FBXL20: variants seen among roughly 807,000 people sequenced by gnomAD.
FBXL20 encodes F-box and leucine rich repeat protein 20, also known as F-box/LRR-repeat protein 20.
Under a neutral mutation model 64.0 loss-of-function variants are expected in FBXL20, and 11 were observed. The observed-to-expected ratio is 0.17, with a 90% CI of 0.11 to 0.28. FBXL20 has a LOEUF of 0.28. Among genes scored for constraint, FBXL20 ranks in the 10% least tolerant of loss-of-function variants. The probability of loss-of-function intolerance (pLI) is 1.00; values close to 1 mark genes in which losing one functional copy is unlikely to be tolerated. For missense variants in FBXL20, 303 were observed against 526.2 expected (o/e 0.58, Z 4.15); for synonymous variants, 184 against 189.0 (o/e 0.97, Z 0.22).
At chr17:39,336,155 T>C (rs1043542849) in intron 2 of FBXL20, among the ~76,000 whole-genome samples, 5 of 151,998 alleles carry the variant, frequency 3.3e-5, no homozygotes, top group East Asian at 1.9e-4. Context: ...TAGAATAAAA[T>C]AGAGGAACCA....
intron 1 of FBXL20, among the ~76,000 whole-genome samples, chr17:39,347,702 C>T (rs12453645): frequency 0.15 from 23,366 of 152,108 alleles, 2,481 homozygotes; most frequent in East Asian, 0.24. Flanking sequence ...TAATTAGATG[C>T]CATTGGTCAA....
intron 2 of FBXL20, among the ~76,000 whole-genome samples, chr17:39,326,092 T>C (rs1290060792): frequency 6.6e-6 from 1 of 152,070 alleles, no homozygotes; most frequent in Non-Finnish European, 1.5e-5. Flanking sequence ...CTTCCTCTCT[T>C]GCCATGTGAT....
chr17:39,334,827 T>C (rs975333629), intron 2 of FBXL20, among the ~76,000 whole-genome samples: 1 of 152,184 alleles, frequency 6.6e-6, no homozygotes, highest in African/African-American at 2.4e-5. Context: ...CAGTGGCTCA[T>C]GCCTGTAATC....
At chr17:39,267,112 C>T (rs1291284359) in intron 12 of FBXL20, among the ~76,000 whole-genome samples, 4 of 151,026 alleles carry the variant, frequency 2.6e-5, no homozygotes, top group Admixed American at 6.6e-5. Flanking sequence ...ACTAGCCGGG[C>T]GTGGTGGCAG....
rs902064201 is a variant in FBXL20, at chr17:39,265,443, C to T, written c.944G>A (p.Ser315Asn). The T allele has an allele frequency of 6.2e-7, 1 of 1,608,504 alleles. No individual in the cohort carries two copies. The highest frequency in any genetic ancestry group is 8.5e-7 in the Non-Finnish European group (1 of 1,175,078). Residue 315 changes from serine (S) to asparagine (N), a missense_variant, in exon 13 of 15, where the codon AGC becomes AAC. Ser to Asn is a conservative substitution (Grantham distance 46). Around this residue, in one of 3 missense-constraint regions of FBXL20, gnomAD observed 246 missense variants for 422.6 expected, o/e 0.58. Coordinates refer to ENST00000264658, the MANE Select transcript of FBXL20 (RefSeq NM_032875.3). ...DLEECVQITD[S>N]TLIQLSIHCP... Reference sequence around the variant, plus strand: ...GTGTATAGAAAGTTGGATTAATGTGCTATCTGTTATCTGAAAGAAATAACG... The same window carrying T: ...GTGTATAGAAAGTTGGATTAATGTGTTATCTGTTATCTGAAAGAAATAACG...
intron 2 of FBXL20, among the ~76,000 whole-genome samples, chr17:39,313,190 T>C (rs1210922179): frequency 1.3e-5 from 2 of 152,072 alleles, no homozygotes; most frequent in Non-Finnish European, 2.9e-5. Flanking sequence ...GTACTGGGAT[T>C]ACAGGTGTGA....
At chr17:39,401,833 G>A, upstream of FBXL20, 1 of 537,286 alleles carries the variant, frequency 1.9e-6, no homozygotes, top group Non-Finnish European at 2.5e-6. Flanking sequence ...GCGCGGCGGC[G>A]GCACGACCCC....
intron 14 of FBXL20, 138 bp downstream of exon 14, chr17:39,264,037 G>A (rs370269077): frequency 1.1e-6 from 1 of 924,390 alleles, no homozygotes; most frequent in Non-Finnish European, 1.6e-6. Context: ...CCTTAGGTTT[G>A]CACTTTTTTC....
rs965760696 is a variant in FBXL20, at chr17:39,256,293, C to T, written c.*5167G>A. On this transcript the variant is annotated 3_prime_UTR_variant, in exon 15 of 15. Coordinates refer to ENST00000264658, the MANE Select transcript of FBXL20 (RefSeq NM_032875.3). ...CTGAGATTGTGCCATGGCACTCCAACCTGGGTGACAGAGCGAGACTCCATG... is the reference window on the plus strand; with the variant it reads ...CTGAGATTGTGCCATGGCACTCCAATCTGGGTGACAGAGCGAGACTCCATG... 1 of 140,894 alleles carries T rather than the reference C, an allele frequency of 7.1e-6. No homozygotes were observed. Among genetic ancestry groups the T allele is most frequent in the African/African-American group, 2.7e-5 (1 of 37,648 alleles). The allele number at this position is 140,894 out of a possible 1,614,324, so 8.7% of individuals were successfully genotyped here.
Position 39,275,052 on chromosome 17 carries a change from A to C in FBXL20, c.745T>G (p.Leu249Val), listed in dbSNP as rs2046877646. ...LITICRGCHK[L>V]QSLCASGCSN... ...CAGCCAGAGGCACAAAGGGATTGTA[A>C]CTTATGGCACCCTCTGCATATAGTA... The change falls in exon 10 of 15, where the codon TTA becomes GTA. Residue 249 changes from leucine to valine, a missense_variant. By Grantham distance (32) the Leu-to-Val change is conservative. Transcript: ENST00000264658. The C allele has an allele frequency of 1.2e-6, 2 of 1,614,016 alleles. No homozygotes were observed. Among genetic ancestry groups the C allele is most frequent in the African/African-American group, 2.7e-5 (2 of 74,932 alleles).
chr17:39,326,956 C>A lies in FBXL20; in HGVS notation c.104+16224G>T, dbSNP rs560999881. On this transcript the variant is annotated intron_variant, in intron 2 of 14. Transcript: ENST00000264658. The stretch of plus-strand genomic sequence containing the variant: ...GAGTGCAGTGGAGCATCTTGGCTCA[C>A]GACAACCTCTGCCTCACAGGCTCAA... Among the ~76,000 whole-genome samples the A allele has an allele frequency of 3.8e-4, 58 of 151,220 alleles. No homozygotes were observed. The South Asian group carries it at 9.0e-3, about 23-fold the overall frequency.
chr17:39,370,318 C>G (rs929101868), intron 1 of FBXL20, among the ~76,000 whole-genome samples: 1 of 149,062 alleles, frequency 6.7e-6, no homozygotes, highest in Non-Finnish European at 1.5e-5. Context: ...TGGCAAAACC[C>G]AGTCTCTACC....
At chr17:39,348,369 G>A (rs557678071) in intron 1 of FBXL20, among the ~76,000 whole-genome samples, 4 of 152,170 alleles carry the variant, frequency 2.6e-5, no homozygotes, top group South Asian at 2.1e-4. Context: ...GCTGAGGCAG[G>A]AGAATCCCTT....
chr17:39,269,056 T>C (rs2046816969), intron 11 of FBXL20, among the ~76,000 whole-genome samples, 185 bp from the exon 12 acceptor site: 1 of 151,934 alleles, frequency 6.6e-6, no homozygotes, highest in Non-Finnish European at 1.5e-5. Context: ...GTCACCCAGG[T>C]TGGAGTGCAG....
At position 39,286,460 on chromosome 17, in the gene FBXL20, G is replaced by A. The variant is rs612209; in HGVS notation, c.399-887C>T. ...CAACTCCGGGCCTCAAGTGTTCCGCGTGCCTCAGCCTCCCAAACTGCTGGG... is the reference window on the plus strand; with the variant it reads ...CAACTCCGGGCCTCAAGTGTTCCGCATGCCTCAGCCTCCCAAACTGCTGGG... On this transcript the variant is annotated intron_variant, in intron 6 of 14. Transcript: ENST00000264658. Among the ~76,000 whole-genome samples, 12 of 151,612 alleles carry A rather than the reference G, an allele frequency of 7.9e-5. No individual in the cohort carries two copies. In the South Asian group the frequency reaches 1.2e-3, roughly 16 times the overall value.
At chr17:39,380,882 G>A (rs760363272) in intron 1 of FBXL20, among the ~76,000 whole-genome samples, 8 of 152,116 alleles carry the variant, frequency 5.3e-5, no homozygotes, top group African/African-American at 9.7e-5. Flanking sequence ...CTAGCAGGCC[G>A]GGCGTGGTGG....
At chr17:39,308,854 C>T (rs892281074) in intron 2 of FBXL20, among the ~76,000 whole-genome samples, 14 of 152,032 alleles carry the variant, frequency 9.2e-5, no homozygotes, top group Admixed American at 1.3e-4. Context: ...AGTGAGCCAC[C>T]GCACCTGGCC....
chr17:39,314,297 A>G (rs910557804), intron 2 of FBXL20, among the ~76,000 whole-genome samples: 13 of 152,094 alleles, frequency 8.5e-5, no homozygotes, highest in African/African-American at 1.2e-4. Context: ...ATCCTACTGT[A>G]TCCATTCTCC....
At chr17:39,371,957 T>C (rs1287696476) in intron 1 of FBXL20, among the ~76,000 whole-genome samples, 1 of 152,166 alleles carries the variant, frequency 6.6e-6, no homozygotes, top group Admixed American at 6.5e-5. Context: ...GCCTCCATCT[T>C]ATCCCTGCCT....
Sources: allele counts gnomAD v4.1 joint callset (sites outside exome capture counted in the v4.1 genomes callset), GRCh38; gene constraint gnomAD v4.1.1; regional missense constraint gnomAD v4.1.1; transcripts MANE v1.5; gene names NCBI Gene and HGNC (gene_info 2026-07-23, HGNC 2026-07-21).